Variants in LIMCH1 observed in about 807,000 individuals in gnomAD.
LIMCH1 encodes the protein LIM and calponin homology domains 1.
A neutral mutation model predicts 176.5 loss-of-function variants in LIMCH1; 113 were observed. The ratio of observed to expected loss-of-function variants is 0.64; its 90% CI spans 0.55 to 0.75. The LOEUF (loss-of-function observed/expected upper bound fraction) is 0.75. Ranked by LOEUF, LIMCH1 falls within the 30% of genes least tolerant of loss-of-function variation. The pLI is 0.00. For missense variants in LIMCH1, 1,674 were observed against 1,814.9 expected (o/e 0.92, Z 1.41); for synonymous variants, 619 against 645.9 (o/e 0.96, Z 0.63).
At chr4:41,473,037 G>A (rs1244302977) in intron 1 of LIMCH1, 8 of 983,728 alleles carry the variant, frequency 8.1e-6, no homozygotes, top group Non-Finnish European at 9.6e-6. Flanking sequence ...CAATCTCCAC[G>A]AAATAATAAT....
intron 1 of LIMCH1, among the ~76,000 whole-genome samples, chr4:41,403,183 T>C (rs1168735465): frequency 6.6e-6 from 1 of 152,086 alleles, no homozygotes; most frequent in African/African-American, 2.4e-5. Context: ...CAATAGACAT[T>C]TTATTACTAA....
At chr4:41,598,358 C>CT (rs2152745123) in intron 1 of LIMCH1, among the ~76,000 whole-genome samples, 1 of 152,124 alleles carries the variant, frequency 6.6e-6, no homozygotes, top group South Asian at 2.1e-4. Context: ...TTTCCCTGTC[C>CT]TTTTTTCTCA....
intron 1 of LIMCH1, among the ~76,000 whole-genome samples, chr4:41,548,487 CA>C (rs2079914475): frequency 6.6e-6 from 1 of 152,142 alleles, no homozygotes; most frequent in African/African-American, 2.4e-5. Flanking sequence ...TTCTCTTATT[CA>C]AAAAGCTGGG....
intron 1 of LIMCH1, among the ~76,000 whole-genome samples, chr4:41,438,073 C>T (rs542017901): frequency 3.9e-5 from 6 of 152,286 alleles, no homozygotes; most frequent in South Asian, 4.2e-4. Context: ...CTGTTTTCCC[C>T]AATCAGCTAC....
At chr4:41,360,735 G>C (rs2051852092), upstream of LIMCH1, 1 of 707,092 alleles carries the variant, frequency 1.4e-6, no homozygotes, top group South Asian at 2.6e-5. This position sits in a 1 kb window ranked among gnomAD's most constrained non-coding sequence, Gnocchi z 4.5. Flanking sequence ...GGGAGAGGCG[G>C]GGAGGGGAGG....
At chr4:41,512,532 A>G (rs1373416730) in intron 2 of LIMCH1, among the ~76,000 whole-genome samples, 4 of 152,262 alleles carry the variant, frequency 2.6e-5, no homozygotes, top group Admixed American at 2.6e-4. Context: ...TGGATAGATC[A>G]AATGTGGTAT....
At position 41,613,673 on chromosome 4, in the gene LIMCH1, T is replaced by A. The variant is rs13146318; in HGVS notation, c.205+12T>A. On this transcript the variant is annotated intron_variant, in intron 5 of 31. Transcript: ENST00000503057. ...GGGAAGCAGCGATGGTAGGTTGGAG[T>A]CTTAATAAACTATCCATCTTGAAAT... 0.69 allele frequency: 1,109,295 copies of A among 1,609,600 alleles called. 397,008 individuals carry two copies. Among genetic ancestry groups the A allele is most frequent in the Non-Finnish European group, 0.73 (858,910 of 1,176,198 alleles).
At chr4:41,536,925 G>A (rs968853829), upstream of LIMCH1, among the ~76,000 whole-genome samples, 9 of 152,174 alleles carry the variant, frequency 5.9e-5, no homozygotes, top group Admixed American at 5.9e-4. Context: ...TTTCTTAACT[G>A]TGATAAATGT....
intron 1 of LIMCH1, among the ~76,000 whole-genome samples, chr4:41,416,671 A>G (rs1333455753): frequency 6.6e-6 from 1 of 151,998 alleles, no homozygotes; most frequent in African/African-American, 2.4e-5. Context: ...AACAAAAAAA[A>G]AAAAAAGAAA....
intron 2 of LIMCH1, among the ~76,000 whole-genome samples, chr4:41,509,043 G>A (rs550611542): frequency 6.6e-6 from 1 of 152,182 alleles, no homozygotes; most frequent in Non-Finnish European, 1.5e-5. Context: ...CCCAATGGCT[G>A]ATTAGTAGAG....
At chr4:41,683,908 AT>A (rs1337300975) in intron 26 of LIMCH1, among the ~76,000 whole-genome samples, 2 of 152,160 alleles carry the variant, frequency 1.3e-5, no homozygotes, top group African/African-American at 4.8e-5. Context: ...AATTTTTTGC[AT>A]TTTTGCAATT....
chr4:41,681,167 T>G, intron 25 of LIMCH1, 108 bp downstream of exon 25: 1 of 614,356 alleles, frequency 1.6e-6, no homozygotes, highest in Non-Finnish European at 2.9e-6. Context: ...AATCCAAGAC[T>G]AGCTATTCCC....
intron 1 of LIMCH1, among the ~76,000 whole-genome samples, chr4:41,487,800 C>A (rs1244326629): frequency 1.3e-5 from 2 of 151,442 alleles, no homozygotes; most frequent in Admixed American, 6.6e-5. Flanking sequence ...CTACAGGCAC[C>A]TGCCACCACG....
chr4:41,513,072 G>A (rs1428905573), intron 2 of LIMCH1, among the ~76,000 whole-genome samples: 1 of 152,106 alleles, frequency 6.6e-6, no homozygotes, highest in African/African-American at 2.4e-5. Flanking sequence ...GAACATCATT[G>A]AAGAGAATGT....
chr4:41,506,924 C>T (rs2074248068), intron 2 of LIMCH1, among the ~76,000 whole-genome samples: 1 of 152,104 alleles, frequency 6.6e-6, no homozygotes, highest in Non-Finnish European at 1.5e-5. Context: ...CAAGACTGCC[C>T]CCACCCCTCA....
chr4:41,474,317 T>A (rs59901643), intron 1 of LIMCH1, among the ~76,000 whole-genome samples: 10,193 of 152,210 alleles, frequency 0.067, 460 homozygotes, highest in East Asian at 0.12. Flanking sequence ...TGAAACCCTG[T>A]CTCTACTAAA....
intron 20 of LIMCH1, among the ~76,000 whole-genome samples, chr4:41,665,496 A>C (rs972379216): frequency 3.3e-5 from 5 of 152,202 alleles, no homozygotes; most frequent in Non-Finnish European, 5.9e-5. Context: ...TATTATTCAT[A>C]AAAATTCCTT....
chr4:41,477,404 C>T (rs1462020613), intron 1 of LIMCH1, among the ~76,000 whole-genome samples: 1 of 152,128 alleles, frequency 6.6e-6, no homozygotes, highest in African/African-American at 2.4e-5. Flanking sequence ...TGGGTGTTCC[C>T]CCCACCATGA....
At chr4:41,628,767 G>T (rs2093139956) in intron 8 of LIMCH1, among the ~76,000 whole-genome samples, 1 of 152,144 alleles carries the variant, frequency 6.6e-6, no homozygotes, top group Admixed American at 6.5e-5. Flanking sequence ...CTTCATAGGA[G>T]AACAATGGAA....
Sources: gnomAD v4.1 joint callset for allele counts (sites outside exome capture counted in the v4.1 genomes callset) on GRCh38, gnomAD v4.1.1 for gene constraint, Gnocchi (gnomAD v3.1) non-coding constraint, MANE v1.5 for transcripts, NCBI Gene and HGNC (gene_info 2026-07-23, HGNC 2026-07-21) for gene names.